The following PCDHA5 variants were observed in gnomAD, a reference collection of about 807,000 sequenced individuals.
PCDHA5 encodes protocadherin alpha-5.
Under a neutral mutation model 61.6 loss-of-function variants are expected in PCDHA5, and 43 were observed. The observed-to-expected ratio is 0.70, with a 90% CI of 0.55 to 0.90. The LOEUF is 0.90. PCDHA5 is among the 40% of genes least tolerant of loss of function. PCDHA5 has a pLI of 0.00. For missense variants in PCDHA5, 1,298 were observed against 1,222.7 expected (o/e 1.06, Z -0.92); for synonymous variants, 627 against 543.9 (o/e 1.15, Z -2.13).
intron 1 of PCDHA5, chr5:140,825,426 T>A (rs1234497621): frequency 6.8e-6 from 1 of 147,558 alleles, no homozygotes; most frequent in African/African-American, 2.5e-5. Context: ...ATATATATAA[T>A]AAATATATAA....
chr5:140,862,713 C>T, intron 1 of PCDHA5: 1 of 561,970 alleles, frequency 1.8e-6, no homozygotes. Flanking sequence ...AGCGGGTGGG[C>T]GAGTGCGCGC....
In PCDHA5 at chr5:141,010,583, G is replaced by A. The variant is rs1186884021; in HGVS notation, c.*646G>A. The A allele has an allele frequency of 4.1e-5, 10 of 242,992 alleles. No individual in the cohort carries two copies. The highest frequency in any genetic ancestry group is 3.6e-4 in the Admixed American group (7 of 19,606). 15.1% of individuals were successfully genotyped at this position (242,992 alleles called of 1,614,324 possible). A position where few individuals can be genotyped will look rare whatever the true frequency, so the allele number is the denominator to read the frequency against. The stretch of plus-strand genomic sequence containing the variant: ...TGACAAGGCTTTAGGAGACCCTAAA[G>A]TCTGTTGGCTGTGACGTCATTATAC... On this transcript the variant is annotated 3_prime_UTR_variant, in exon 4 of 4. Coordinates refer to ENST00000529859, the MANE Select transcript of PCDHA5 (RefSeq NM_018908.3).
intron 1 of PCDHA5, among the ~76,000 whole-genome samples, chr5:140,840,092 G>T (rs1554137685): frequency 6.6e-6 from 1 of 151,972 alleles, no homozygotes; most frequent in Admixed American, 6.6e-5. Flanking sequence ...ACTTGTTGAA[G>T]ATTTTAGTGA....
At chr5:140,844,714 T>C (rs1779510682) in intron 1 of PCDHA5, among the ~76,000 whole-genome samples, 1 of 149,562 alleles carries the variant, frequency 6.7e-6, no homozygotes, top group Admixed American at 6.7e-5. Context: ...TCATGGCCCA[T>C]TAGTTCGTGT....
intron 1 of PCDHA5, chr5:140,825,809 T>A (rs1318572939): frequency 6.6e-6 from 1 of 152,498 alleles, no homozygotes; most frequent in African/African-American, 2.4e-5. Flanking sequence ...TTACTGCTTG[T>A]TGTTACTTTT....
rs2150432848 is a variant in PCDHA5, at chr5:140,849,209, T to C, written c.2352+25082T>C. On this transcript the variant is annotated intron_variant, in intron 1 of 3. Coordinates refer to ENST00000529859, the MANE Select transcript of PCDHA5 (RefSeq NM_018908.3). ...TCACGGTACTGGACAACAATGACAA[T>C]GCCCCAGTGTTCGACAGAACCCTGT... 32 of 1,032,540 alleles carry C rather than the reference T, an allele frequency of 3.1e-5. 2 individuals carry two copies. In the African/African-American group the frequency reaches 5.7e-4, roughly 18 times the overall value. The allele number at this position is 1,032,540 out of a possible 1,614,324, so 64.0% of individuals were successfully genotyped here. A position where few individuals can be genotyped will look rare whatever the true frequency, so the allele number is the denominator to read the frequency against.
At position 140,877,299 on chromosome 5, in the gene PCDHA5, C is replaced by A. The variant is rs374061607; in HGVS notation, c.2352+53172C>A. 1,401 of 1,613,926 alleles carry A rather than the reference C, an allele frequency of 8.7e-4. 20 individuals carry two copies. The South Asian group carries it at 0.013, about 15-fold the overall frequency. On this transcript the variant is annotated intron_variant, in intron 1 of 3. Transcript: ENST00000529859. ...CCGGCTATAACGCTTGGCTGTCCTA[C>A]GAGTTGCAACCGGCGGCGGTCGGCG...
At chr5:140,920,269 A>G (rs1342153832) in intron 1 of PCDHA5, among the ~76,000 whole-genome samples, 1 of 152,224 alleles carries the variant, frequency 6.6e-6, no homozygotes, top group Non-Finnish European at 1.5e-5. Flanking sequence ...TTATTACTTT[A>G]TGTAATCTTA....
chr5:140,842,323 C>A (rs2150334082), intron 1 of PCDHA5: 2 of 1,607,134 alleles, frequency 1.2e-6, no homozygotes. Flanking sequence ...CGGGTCATTG[C>A]ACCGTTTTAG....
rs543390372 is a variant in PCDHA5 at position 140,900,669 on chromosome 5, A to G, written c.2352+76542A>G. 4.8e-4 allele frequency among the ~76,000 whole-genome samples: 73 copies of G among 152,334 alleles called. 1 individual carries two copies. The highest frequency in any genetic ancestry group is 1.5e-3 in the South Asian group (7 of 4,824). On this transcript the variant is annotated intron_variant, in intron 1 of 3. Transcript: ENST00000529859. ...CTGCTGCAATGAACAATGGGAGTGC[A>G]GTTATCTCTTCAATATACTGATTTC...
At chr5:140,985,557 G>A (rs1190905215) in intron 3 of PCDHA5, among the ~76,000 whole-genome samples, 1 of 152,118 alleles carries the variant, frequency 6.6e-6, no homozygotes, top group East Asian at 1.9e-4. Context: ...GCTTCCAAAA[G>A]GCTTCTTTCT....
At chr5:140,960,067 A>T (rs1423900287) in intron 1 of PCDHA5, among the ~76,000 whole-genome samples, 1 of 152,228 alleles carries the variant, frequency 6.6e-6, no homozygotes, top group East Asian at 1.9e-4. Context: ...AGAAGATTCA[A>T]TTGAAGTTTC....
At chr5:140,850,181 G>C in intron 1 of PCDHA5, 1 of 1,593,852 alleles carries the variant, frequency 6.3e-7, no homozygotes, top group South Asian at 1.1e-5. Context: ...ACGACAATGC[G>C]CCGGCGCTGC....
In PCDHA5 at chr5:141,011,794, G is replaced by A. The variant is rs782200485; in HGVS notation, c.*1857G>A. 2 of 153,664 alleles carry A rather than the reference G, an allele frequency of 1.3e-5. No individual in the cohort carries two copies. The highest frequency in any genetic ancestry group is 2.9e-5 in the Non-Finnish European group (2 of 68,028). The allele number at this position is 153,664 out of a possible 1,614,324, so 9.5% of individuals were successfully genotyped here. ...ATGCTTTGAAATTCTAATGGTATCT[G>A]AAATATCAGCTCATAGAAAGTAACA... On this transcript the variant is annotated 3_prime_UTR_variant, in exon 4 of 4. Coordinates refer to ENST00000529859, the MANE Select transcript of PCDHA5 (RefSeq NM_018908.3).
chr5:140,839,383 G>C (rs200307004), intron 1 of PCDHA5, among the ~76,000 whole-genome samples: 4 of 150 alleles, frequency 0.027, no homozygotes, highest in Non-Finnish European at 0.042. Flanking sequence ...CAATTATTAT[G>C]ATGATGATGA....
At chr5:140,989,321 C>A (rs898791820) in intron 3 of PCDHA5, among the ~76,000 whole-genome samples, 6 of 152,178 alleles carry the variant, frequency 3.9e-5, no homozygotes, top group Non-Finnish European at 7.3e-5. Flanking sequence ...GTCTCACCAA[C>A]TTTGCCACCT....
chr5:140,999,628 G>C (rs1169273057), intron 3 of PCDHA5, among the ~76,000 whole-genome samples: 2 of 152,182 alleles, frequency 1.3e-5, no homozygotes, highest in Admixed American at 1.3e-4. Context: ...AGGAAACAAG[G>C]TAGAGAAAAC....
chr5:140,924,229 T>A (rs543275737), intron 1 of PCDHA5, among the ~76,000 whole-genome samples: 4 of 152,376 alleles, frequency 2.6e-5, no homozygotes, highest in African/African-American at 9.6e-5. Flanking sequence ...TCAATTTTTA[T>A]GGGCTGTTTT....
intron 1 of PCDHA5, chr5:140,848,337 C>A (rs1402833811): frequency 1.3e-5 from 11 of 873,306 alleles, no homozygotes; most frequent in South Asian, 1.7e-5. Context: ...TGAATCCAGA[C>A]AAATACAGCC....
Sources: allele counts gnomAD v4.1 joint callset (sites outside exome capture counted in the v4.1 genomes callset), GRCh38; gene constraint gnomAD v4.1.1; transcripts MANE v1.5; gene names NCBI Gene and HGNC (gene_info 2026-07-23, HGNC 2026-07-21).